ABCB1: variants seen among roughly 807,000 people sequenced by gnomAD.
The protein encoded by ABCB1 is ATP binding cassette subfamily B member 1.
Under a neutral mutation model 142.0 loss-of-function variants are expected in ABCB1, and 69 were observed. That is an observed-to-expected ratio of 0.49 (90% CI 0.40 to 0.59). ABCB1 has a LOEUF of 0.59. Among genes scored for constraint, ABCB1 ranks in the 20% least tolerant of loss-of-function variants. The pLI is 0.00. For synonymous variants in ABCB1, 532 were observed against 539.2 expected (o/e 0.99, Z 0.18); for missense variants, 1,326 against 1,554.7 (o/e 0.85, Z 2.47).
In ABCB1 at chr7:87,544,807, G is replaced by T. The variant is rs200757124; in HGVS notation, c.2064+16C>A. ...AGTTAGTGAGATTAAAACAAACTCC[G>T]CATCTCCCTTCATACCAGAGCCTCT... On this transcript the variant is annotated intron_variant, in intron 16 of 27. Transcript: ENST00000622132. 2.5e-6 allele frequency: 4 copies of T among 1,613,576 alleles called. No individual in the cohort carries two copies. The highest frequency in any genetic ancestry group is 2.2e-5 in the South Asian group (2 of 91,078).
chr7:87,559,621 GTTCT>G (rs1486115391), intron 8 of ABCB1, among the ~76,000 whole-genome samples: 4 of 151,552 alleles, frequency 2.6e-5, no homozygotes, highest in African/African-American at 9.7e-5. Context: ...TAGATGTTTA[GTTCT>G]TTAATTTTCA....
At chr7:87,567,738 C>T (rs1448192729) in intron 5 of ABCB1, among the ~76,000 whole-genome samples, 1 of 152,088 alleles carries the variant, frequency 6.6e-6, no homozygotes, top group African/African-American at 2.4e-5. Flanking sequence ...TCTTAAAAAA[C>T]AGACCCTTAA....
chr7:87,563,261 T>G, intron 7 of ABCB1: 1 of 349,868 alleles, frequency 2.9e-6, no homozygotes, highest in Non-Finnish European at 5.7e-6. Flanking sequence ...CCATTCCTAC[T>G]GAAAATGTTC....
intron 8 of ABCB1, among the ~76,000 whole-genome samples, chr7:87,554,649 T>C (rs1421997897): frequency 6.6e-6 from 1 of 152,232 alleles, no homozygotes; most frequent in East Asian, 1.9e-4. Flanking sequence ...TTTCTACATA[T>C]TGACTATGTG....
chr7:87,692,116 G>A (rs1183850034), intron 1 of ABCB1, among the ~76,000 whole-genome samples: 1 of 152,012 alleles, frequency 6.6e-6, no homozygotes, highest in Admixed American at 6.6e-5. Flanking sequence ...GAAAATCAGG[G>A]CACAGAGGCT....
intron 1 of ABCB1, 26 bp from the exon 2 acceptor site, chr7:87,600,216 C>T (rs763629745): frequency 1.3e-6 from 2 of 1,597,212 alleles, no homozygotes; most frequent in Non-Finnish European, 1.7e-6. Flanking sequence ...AGCTCATTAG[C>T]CAAATGCATG....
intron 1 of ABCB1, among the ~76,000 whole-genome samples, chr7:87,634,494 T>TGG (rs58092989): frequency 1.1e-3 from 77 of 73,256 alleles, no homozygotes; most frequent in African/African-American, 1.2e-3. Context: ...TGGTGGGGGG[T>TGG]GGGGGGGGGG....
At chr7:87,705,023 T>C (rs1829462314) in intron 1 of ABCB1, among the ~76,000 whole-genome samples, 1 of 152,214 alleles carries the variant, frequency 6.6e-6, no homozygotes, top group South Asian at 2.1e-4. Flanking sequence ...GTATACAGTA[T>C]ACAAGTACAC....
chr7:87,552,334 T>C (rs979430303), intron 9 of ABCB1, among the ~76,000 whole-genome samples: 14 of 152,244 alleles, frequency 9.2e-5, no homozygotes, highest in African/African-American at 3.4e-4. Context: ...GATTCTATAT[T>C]CATTATCTCA....
chr7:87,528,425 G>T (rs982259431), intron 21 of ABCB1, among the ~76,000 whole-genome samples: 3 of 151,782 alleles, frequency 2.0e-5, no homozygotes, highest in Non-Finnish European at 4.4e-5. Flanking sequence ...TTAATTTTTT[G>T]ATATTTCTAG....
rs1584890294 is a variant in ABCB1 at position 87,570,334 on chromosome 7, G to A, written c.287-111C>T. ...CATTTAATGATTTACATAAAAATAG[G>A]TCGAACTGACTCAGTTTTAATTGTG... On this transcript the variant is annotated intron_variant, in intron 4 of 27. Transcript: ENST00000622132. 9.3e-7 allele frequency: 1 copy of A among 1,079,752 alleles called. No homozygotes were observed. Among genetic ancestry groups the A allele is most frequent in the South Asian group, 1.3e-5 (1 of 79,750 alleles). 66.9% of individuals were successfully genotyped at this position (1,079,752 alleles called of 1,614,324 possible).
At chr7:87,694,233 A>G (rs181081160) in intron 1 of ABCB1, among the ~76,000 whole-genome samples, 69 of 152,276 alleles carry the variant, frequency 4.5e-4, no homozygotes, top group African/African-American at 1.6e-3. Context: ...CGTGTGAAGT[A>G]GCAGCTCAGG....
chr7:87,573,278 T>A (rs1466374002), intron 4 of ABCB1, among the ~76,000 whole-genome samples: 1 of 152,096 alleles, frequency 6.6e-6, no homozygotes, highest in East Asian at 1.9e-4. Flanking sequence ...TAGGACCTCA[T>A]TATCCTGGTT....
intron 21 of ABCB1, among the ~76,000 whole-genome samples, chr7:87,529,486 G>T (rs975582074): frequency 2.0e-5 from 3 of 152,052 alleles, no homozygotes; most frequent in Non-Finnish European, 4.4e-5. Flanking sequence ...CCTGACCTTT[G>T]CTCAGAAAAT....
At chr7:87,537,930 AT>A (rs1223725613) in intron 19 of ABCB1, among the ~76,000 whole-genome samples, 2 of 152,208 alleles carry the variant, frequency 1.3e-5, no homozygotes, top group Non-Finnish European at 2.9e-5. Flanking sequence ...TTTCCCAAAA[AT>A]ATTTAAGAAA....
chr7:87,524,501 G>C (rs1471172840), intron 21 of ABCB1, among the ~76,000 whole-genome samples: 1 of 151,822 alleles, frequency 6.6e-6, no homozygotes, highest in Non-Finnish European at 1.5e-5. Context: ...ACCAAACACC[G>C]TATGTTCTCA....
chr7:87,628,599 GT>G, intron 1 of ABCB1: 2 of 349,854 alleles, frequency 5.7e-6, no homozygotes, highest in Non-Finnish European at 1.0e-5. Flanking sequence ...GTGTGTGTGT[GT>G]GTGTGTGTGT....
Position 87,684,746 on chromosome 7 carries a change from C to CAAAAAAA in ABCB1, c.-331+28408_-331+28414dup, listed in dbSNP as rs71524694. ...CTGGTGACAGAGTGAGACTCCGTCT[C>CAAAAAAA]AAAAAAAAAAAAAAAAAAAAAAAAA... On this transcript the variant is annotated intron_variant, in intron 1 of 28. Coordinates refer to the ABCB1 transcript ENST00000265724. Among the ~76,000 whole-genome samples the CAAAAAAA allele has an allele frequency of 7.7e-4, 29 of 37,792 alleles. 2 individuals are homozygous for CAAAAAAA. Among genetic ancestry groups the CAAAAAAA allele is most frequent in the East Asian group, 2.5e-3 (3 of 1,186 alleles). 24.8% of individuals were successfully genotyped at this position (37,792 alleles called of 152,430 possible).
intron 1 of ABCB1, among the ~76,000 whole-genome samples, chr7:87,613,804 C>T (rs547948057): frequency 6.6e-6 from 1 of 152,102 alleles, no homozygotes; most frequent in Non-Finnish European, 1.5e-5. Flanking sequence ...ATACAATATA[C>T]CCATGTAACA....
Sources: gnomAD v4.1 joint callset for allele counts (sites outside exome capture counted in the v4.1 genomes callset) on GRCh38, gnomAD v4.1.1 for gene constraint, MANE v1.5 for transcripts, NCBI Gene and HGNC (gene_info 2026-07-23, HGNC 2026-07-21) for gene names.